The following SPON1 variants were observed in gnomAD, a reference collection of about 807,000 sequenced individuals.
SPON1 encodes the protein spondin-1.
SPON1 carries 52 observed loss-of-function variants against 111.7 expected under a neutral mutation model. That is an observed-to-expected ratio of 0.47 (90% CI 0.37 to 0.59). The LOEUF (loss-of-function observed/expected upper bound fraction) is 0.59. SPON1 is among the 20% of genes least tolerant of loss of function. The pLI is 0.00. For missense variants in SPON1, 957 were observed against 1,068.5 expected (o/e 0.90, Z 1.46); for synonymous variants, 410 against 395.8 (o/e 1.04, Z -0.43).
rs1240247438 is a variant in SPON1, at chr11:14,131,767, T to A, written c.677-3653T>A. On this transcript the variant is annotated intron_variant, in intron 5 of 15. Coordinates refer to ENST00000576479, the MANE Select transcript of SPON1 (RefSeq NM_006108.4). ...TTATAAATGGGGCCTGGAGCCAGAGTCTTCTGGCTCCTGGTCACCATGCCT... is the reference window on the plus strand; with the variant it reads ...TTATAAATGGGGCCTGGAGCCAGAGACTTCTGGCTCCTGGTCACCATGCCT... Among the ~76,000 whole-genome samples the A allele has an allele frequency of 2.9e-4, 44 of 151,968 alleles. 2 individuals are homozygous for A. Among genetic ancestry groups the A allele is most frequent in the Admixed American group, 2.9e-3 (44 of 15,270 alleles).
At chr11:14,154,831 G>A (rs1291412515) in intron 6 of SPON1, among the ~76,000 whole-genome samples, 3 of 152,068 alleles carry the variant, frequency 2.0e-5, no homozygotes, top group African/African-American at 7.2e-5. Context: ...GTTAGTGTAG[G>A]CTTTTAGAAG....
chr11:14,073,295 A>T (rs1848891764), intron 3 of SPON1, among the ~76,000 whole-genome samples: 1 of 152,118 alleles, frequency 6.6e-6, no homozygotes, highest in South Asian at 2.1e-4. Context: ...CTAACCCTAA[A>T]TTTATGTGCT....
intron 6 of SPON1, among the ~76,000 whole-genome samples, chr11:14,179,413 C>T (rs575837889): frequency 6.6e-6 from 1 of 152,292 alleles, no homozygotes; most frequent in South Asian, 2.1e-4. Flanking sequence ...CTCATTCATA[C>T]CCTTGGATGC....
Position 14,075,369 on chromosome 11 carries a change from T to G in SPON1, c.504T>G (p.Ile168Met). Reference sequence around the variant, plus strand: ...GGGCCAGCATCGTACAAAAACGCATTATTTATTTTCAAGATGAGGGCTCTC... The same window carrying G: ...GGGCCAGCATCGTACAAAAACGCATGATTTATTTTCAAGATGAGGGCTCTC... ...ILKASIVQKR[I>M]IYFQDEGSLT... The change falls in exon 4 of 16, where the codon ATT becomes ATG. Residue 168 changes from isoleucine (I) to methionine (M), a missense_variant. Physicochemically the swap from Ile to Met is conservative, Grantham distance 10 (BLOSUM62 1). This residue lies in a region of SPON1 where 262 missense variants were observed against 253.9 expected (regional missense o/e 1.03). Coordinates refer to ENST00000576479, the MANE Select transcript of SPON1 (RefSeq NM_006108.4). The G allele has an allele frequency of 6.4e-7, 1 of 1,560,764 alleles. No individual in the cohort carries two copies. The highest frequency in any genetic ancestry group is 1.2e-5 in the South Asian group (1 of 84,564).
At chr11:14,141,711 T>C (rs1304542573) in intron 6 of SPON1, among the ~76,000 whole-genome samples, 1 of 152,242 alleles carries the variant, frequency 6.6e-6, no homozygotes, top group Non-Finnish European at 1.5e-5. Flanking sequence ...AATTTTCTTT[T>C]CTCATCTCCT....
chr11:14,226,415 C>T (rs985175244), intron 6 of SPON1, among the ~76,000 whole-genome samples: 3 of 152,152 alleles, frequency 2.0e-5, no homozygotes, highest in Non-Finnish European at 4.4e-5. Flanking sequence ...ATGCTGGCAA[C>T]ACAGTACACT....
At position 14,265,775 on chromosome 11, in the gene SPON1, T is replaced by C. The variant is rs1484523405; in HGVS notation, c.*88T>C. The C allele has an allele frequency of 2.1e-6, 3 of 1,428,504 alleles. No individual in the cohort carries two copies. Among genetic ancestry groups the C allele is most frequent in the African/African-American group, 2.8e-5 (2 of 70,284 alleles). The allele number at this position is 1,428,504 out of a possible 1,614,324, so 88.5% of individuals were successfully genotyped here. A position where few individuals can be genotyped will look rare whatever the true frequency, so the allele number is the denominator to read the frequency against. On this transcript the variant is annotated 3_prime_UTR_variant, in exon 16 of 16. Transcript: ENST00000576479. ...TGCTTGTTTAAGACAATTTAAATTG[T>C]GTACGCTAGTTTTCATTTTTGCAGT...
At chr11:14,051,008 G>A (rs782639614) in intron 3 of SPON1, among the ~76,000 whole-genome samples, 5 of 152,234 alleles carry the variant, frequency 3.3e-5, no homozygotes, top group African/African-American at 4.8e-5. Flanking sequence ...GGCAGAGATG[G>A]TCAAGTCTGT....
At chr11:14,134,651 C>T (rs575942364) in intron 5 of SPON1, among the ~76,000 whole-genome samples, 11 of 152,332 alleles carry the variant, frequency 7.2e-5, no homozygotes, top group African/African-American at 2.6e-4. Flanking sequence ...GGTCCCCACA[C>T]ATTTCTTTTA....
intron 3 of SPON1, among the ~76,000 whole-genome samples, chr11:14,062,571 G>C (rs965152531): frequency 6.6e-6 from 1 of 152,194 alleles, no homozygotes; most frequent in African/African-American, 2.4e-5. Context: ...ATTGGCAGGA[G>C]AGTGAATTGT....
intron 6 of SPON1, among the ~76,000 whole-genome samples, chr11:14,195,930 C>G (rs1554935017): frequency 1.3e-5 from 2 of 152,168 alleles, no homozygotes; most frequent in East Asian, 3.9e-4. Context: ...TGTATACATT[C>G]TTAGTGCTTT....
chr11:14,161,183 T>TTTA lies in SPON1; in HGVS notation c.825+25616_825+25617insTAT, dbSNP rs1554931233. ...TATATATATCTATATATCTATATAT[T>TTTA]TATATATCTATATATATTTATATAT... On this transcript the variant is annotated intron_variant, in intron 6 of 15. Coordinates refer to ENST00000576479, the MANE Select transcript of SPON1 (RefSeq NM_006108.4). 3.8e-3 allele frequency among the ~76,000 whole-genome samples: 59 copies of TTTA among 15,518 alleles called. 2 individuals carry two copies. Among genetic ancestry groups the TTTA allele is most frequent in the African/African-American group, 9.7e-3 (57 of 5,898 alleles). 10.2% of individuals were successfully genotyped at this position (15,518 alleles called of 152,430 possible).
At chr11:14,139,058 T>G (rs1332646453) in intron 6 of SPON1, among the ~76,000 whole-genome samples, 3 of 152,162 alleles carry the variant, frequency 2.0e-5, no homozygotes. Context: ...TTAAAATGTT[T>G]AATAGCTTCT....
intron 2 of SPON1, among the ~76,000 whole-genome samples, chr11:14,005,433 A>G (rs1399105489): frequency 2.0e-5 from 3 of 152,194 alleles, no homozygotes; most frequent in African/African-American, 4.8e-5. Flanking sequence ...TCTCTGCACA[A>G]TTAGACTCAT....
At chr11:14,010,049 CAG>C (rs1355499742) in intron 2 of SPON1, among the ~76,000 whole-genome samples, 1 of 152,142 alleles carries the variant, frequency 6.6e-6, no homozygotes, top group African/African-American at 2.4e-5. Context: ...GTCTGACACA[CAG>C]AGATGCTCAA....
chr11:14,119,745 G>A (rs1252667964), intron 5 of SPON1, among the ~76,000 whole-genome samples: 3 of 152,030 alleles, frequency 2.0e-5, no homozygotes, highest in Non-Finnish European at 4.4e-5. Flanking sequence ...AGAGTCCCCC[G>A]TCGTCAGTAG....
At chr11:14,090,594 C>A (rs1397525663) in intron 5 of SPON1, among the ~76,000 whole-genome samples, 2 of 151,812 alleles carry the variant, frequency 1.3e-5, no homozygotes, top group Non-Finnish European at 2.9e-5. Context: ...CTTAAGGCGG[C>A]GGGTCTGGAG....
At chr11:14,156,162 C>T (rs28856950) in intron 6 of SPON1, among the ~76,000 whole-genome samples, 11,688 of 86,718 alleles carry the variant, frequency 0.13, 1,026 homozygotes, top group East Asian at 0.23. Flanking sequence ...CCTGTTGTTT[C>T]CTGACTTTTT....
chr11:14,260,239 C>T (rs781839192), intron 13 of SPON1, among the ~76,000 whole-genome samples: 1 of 152,194 alleles, frequency 6.6e-6, no homozygotes, highest in Non-Finnish European at 1.5e-5. Context: ...CTGAGCCTCT[C>T]CTTTAGTGCC....
Sources: allele counts gnomAD v4.1 joint callset (sites outside exome capture counted in the v4.1 genomes callset), GRCh38; gene constraint gnomAD v4.1.1; regional missense constraint gnomAD v4.1.1; transcripts MANE v1.5; gene names NCBI Gene and HGNC (gene_info 2026-07-23, HGNC 2026-07-21).